Variants in UXS1 observed in about 807,000 individuals in gnomAD.
UXS1 encodes the protein UDP-glucuronate decarboxylase 1, also known as UDP-glucuronic acid decarboxylase 1.
A neutral mutation model predicts 62.6 loss-of-function variants in UXS1; 33 were observed. The observed-to-expected ratio is 0.53, with a 90% CI of 0.40 to 0.70. UXS1 has a LOEUF of 0.70. Among genes scored for constraint, UXS1 ranks in the 30% least tolerant of loss-of-function variants. The pLI, the probability that UXS1 is intolerant of heterozygous loss-of-function variation, is 0.00. For synonymous variants in UXS1, 213 were observed against 206.8 expected, an observed-to-expected ratio of 1.03 and a Z score of -0.26; for missense variants, 434 against 556.3, an observed-to-expected ratio of 0.78 and a Z score of 2.21.
At chr2:106,101,027 T>G (rs971399645) in intron 12 of UXS1, 31 bp downstream of exon 12, 1 of 1,613,734 alleles carries the variant, frequency 6.2e-7, no homozygotes, top group Non-Finnish European at 8.5e-7. Flanking sequence ...GTCTGAGCTG[T>G]CCTGCAGAGT....
intron 5 of UXS1, among the ~76,000 whole-genome samples, chr2:106,148,143 T>C (rs996767249): frequency 2.0e-5 from 3 of 152,216 alleles, no homozygotes; most frequent in Non-Finnish European, 4.4e-5. Flanking sequence ...AATTACACGC[T>C]CTCTACTGCC....
chr2:106,125,021 G>A (rs1433348513), intron 8 of UXS1, among the ~76,000 whole-genome samples: 1 of 152,188 alleles, frequency 6.6e-6, no homozygotes, highest in African/African-American at 2.4e-5. Flanking sequence ...GTTTGGGGCT[G>A]AAGAGAAATC....
intron 9 of UXS1, among the ~76,000 whole-genome samples, chr2:106,117,808 G>A (rs78802685): frequency 0.019 from 2,902 of 152,338 alleles, 42 homozygotes; most frequent in East Asian, 0.065. Flanking sequence ...CATACATCTC[G>A]ATGGGTTCTG....
chr2:106,163,465 G>A (rs989488152), intron 4 of UXS1, among the ~76,000 whole-genome samples: 1 of 152,202 alleles, frequency 6.6e-6, no homozygotes, highest in Non-Finnish European at 1.5e-5. Context: ...CAGACGTTCA[G>A]AGTTTGAAGA....
intron 6 of UXS1, among the ~76,000 whole-genome samples, chr2:106,142,872 T>C (rs1260196956): frequency 1.3e-5 from 2 of 152,150 alleles, no homozygotes. Flanking sequence ...CAGTCATTTA[T>C]TGTATGACTT....
intron 9 of UXS1, among the ~76,000 whole-genome samples, chr2:106,116,678 C>G (rs1679085574): frequency 6.6e-6 from 1 of 151,998 alleles, no homozygotes; most frequent in Admixed American, 6.5e-5. Flanking sequence ...ATTAAGTACA[C>G]TACTAGGTAT....
intron 13 of UXS1, chr2:106,097,490 C>T: frequency 3.0e-6 from 1 of 336,786 alleles, no homozygotes; most frequent in Non-Finnish European, 6.0e-6. Context: ...ATCACCACCA[C>T]AGGTGGTTCA....
At chr2:106,122,820 C>A (rs1289369548) in intron 9 of UXS1, 150 bp downstream of exon 9, 7 of 995,604 alleles carry the variant, frequency 7.0e-6, no homozygotes, top group Non-Finnish European at 9.9e-6. Context: ...GTTGATAATA[C>A]CATTAATTTA....
intron 5 of UXS1, among the ~76,000 whole-genome samples, chr2:106,157,150 G>A (rs1219091880): frequency 6.6e-6 from 1 of 152,124 alleles, no homozygotes; most frequent in Non-Finnish European, 1.5e-5. Flanking sequence ...CTTTCCTTGG[G>A]GGGGGCCTAC....
intron 1 of UXS1, among the ~76,000 whole-genome samples, chr2:106,172,206 G>T (rs779488187): frequency 2.6e-5 from 4 of 152,240 alleles, no homozygotes; most frequent in Non-Finnish European, 5.9e-5. Flanking sequence ...CAAAGGCCTG[G>T]CTGGGTGACA....
chr2:106,157,189 CTG>C (rs1486093694), intron 5 of UXS1, among the ~76,000 whole-genome samples: 1 of 152,022 alleles, frequency 6.6e-6, no homozygotes, highest in African/African-American at 2.4e-5. Context: ...TTGCACAACT[CTG>C]TGAATACATT....
intron 4 of UXS1, chr2:106,160,418 A>T (rs1370098236): frequency 1.3e-5 from 2 of 152,222 alleles, no homozygotes; most frequent in Non-Finnish European, 2.9e-5. Context: ...TCTCTGACTC[A>T]TGACTTCCCC....
chr2:106,101,036 G>A lies in UXS1; in HGVS notation c.984+22C>T, dbSNP rs765091513. On this transcript the variant is annotated intron_variant, in intron 12 of 14. Transcript: ENST00000283148. ...ACGAAAGTCTGAGCTGTCCTGCAGA[G>A]TGGAGGGAGAGGAGCACTCACCAGG... The A allele has an allele frequency of 1.6e-5, 26 of 1,613,810 alleles. No homozygotes were observed. The South Asian group carries it at 2.0e-4, about 12-fold the overall frequency.
intron 6 of UXS1, among the ~76,000 whole-genome samples, chr2:106,137,619 C>G (rs573214516): frequency 3.3e-5 from 5 of 151,314 alleles, no homozygotes; most frequent in African/African-American, 9.7e-5. Flanking sequence ...TGAAACCCGT[C>G]TCTACTAAAA....
Position 106,145,214 on chromosome 2 carries a change from C to T in UXS1, c.448G>A (p.Val150Met). Residue 150 changes from valine (V) to methionine (M), a missense_variant, in exon 6 of 15, where the codon GTG (valine) becomes ATG (methionine). Transcript: ENST00000283148. The part of the protein sequence containing the change: ...HENFELINHD[V>M]VEPLYIEVDQ... ...CCCTCGATGTAGAGGGGCTCCACCA[C>T]GTCGTGGTTAATCAACTCGAAGTTC... 1 of 1,613,740 alleles carries T rather than the reference C, an allele frequency of 6.2e-7. No individual in the cohort carries two copies. The highest frequency in any genetic ancestry group is 8.5e-7 in the Non-Finnish European group (1 of 1,179,774).
intron 14 of UXS1, 80 bp downstream of exon 14, chr2:106,096,638 A>C: frequency 7.5e-7 from 1 of 1,328,064 alleles, no homozygotes; most frequent in Non-Finnish European, 1.0e-6. Context: ...CTGTCTGACA[A>C]GGGTCAGTGC....
intron 6 of UXS1, among the ~76,000 whole-genome samples, chr2:106,143,806 C>A (rs544940243): frequency 6.6e-6 from 1 of 152,356 alleles, no homozygotes; most frequent in African/African-American, 2.4e-5. Flanking sequence ...TCAAAGCCAG[C>A]CAGGGTAGGT....
At chr2:106,116,025 G>A (rs1179275857) in intron 9 of UXS1, among the ~76,000 whole-genome samples, 2 of 152,176 alleles carry the variant, frequency 1.3e-5, no homozygotes, top group Admixed American at 6.5e-5. Context: ...GGCATCAAAC[G>A]CCTCCTTGCC....
Position 106,120,309 on chromosome 2 carries a change from A to G in UXS1, c.759+2661T>C, listed in dbSNP as rs984541451. 3.3e-5 allele frequency among the ~76,000 whole-genome samples: 5 copies of G among 152,282 alleles called. No homozygotes were observed. The East Asian group carries it at 7.7e-4, about 24-fold the overall frequency. On this transcript the variant is annotated intron_variant, in intron 9 of 14. Transcript: ENST00000283148. ...TTAGTCACGTCATTCCTTCCTCATC[A>G]GGAAACTACAACCTCCTCCTGTCTG...
Sources: gnomAD v4.1 joint callset for allele counts (sites outside exome capture counted in the v4.1 genomes callset) on GRCh38, gnomAD v4.1.1 for gene constraint, MANE v1.5 for transcripts, NCBI Gene and HGNC (gene_info 2026-07-23, HGNC 2026-07-21) for gene names.